PLA2G4A: variants seen among roughly 807,000 people sequenced by gnomAD.
PLA2G4A encodes the protein phospholipase A2 group IVA.
PLA2G4A carries 40 observed loss-of-function variants against 81.9 expected under a neutral mutation model. That is an observed-to-expected ratio of 0.49 (90% CI 0.38 to 0.64). The LOEUF (loss-of-function observed/expected upper bound fraction) is 0.64. PLA2G4A is among the 30% of genes least tolerant of loss of function. The pLI is 0.00. For missense variants in PLA2G4A, 715 were observed against 905.1 expected (o/e 0.79, Z 2.69); for synonymous variants, 302 against 296.9 (o/e 1.02, Z -0.18).
intron 17 of PLA2G4A, among the ~76,000 whole-genome samples, 161 bp downstream of exon 17, chr1:186,979,633 A>G (rs1026850122): frequency 6.6e-6 from 1 of 152,230 alleles, no homozygotes; most frequent in Non-Finnish European, 1.5e-5. Context: ...TAATCTTCAG[A>G]AGAACCCTAC....
intron 1 of PLA2G4A, among the ~76,000 whole-genome samples, chr1:186,845,116 C>T (rs908572708): frequency 1.3e-5 from 2 of 151,800 alleles, no homozygotes; most frequent in African/African-American, 2.4e-5. Context: ...AGGCTGAGGC[C>T]CCAGAATTGC....
At position 186,932,830 on chromosome 1, in the gene PLA2G4A, T is replaced by C. The variant is rs202061195; in HGVS notation, c.626T>C (p.Met209Thr). ...GCCATGGTGGGATTCTCTGGTGTGA[T>C]GAAGGCATTATACGAATCAGGAATT... ...FRAMVGFSGV[M>T]KALYESGILD... The change falls in exon 8 of 18, where the codon ATG becomes ACG. Residue 209 changes from methionine (M) to threonine (T), a missense_variant. Coordinates refer to ENST00000367466, the MANE Select transcript of PLA2G4A (RefSeq NM_024420.3). 12 of 1,613,298 alleles carry C rather than the reference T, an allele frequency of 7.4e-6. 1 individual carries two copies. The Middle Eastern group carries it at 8.3e-4, about 111-fold the overall frequency.
At chr1:186,918,466 C>T (rs549761072) in intron 7 of PLA2G4A, among the ~76,000 whole-genome samples, 87 of 152,256 alleles carry the variant, frequency 5.7e-4, no homozygotes, top group African/African-American at 1.8e-3. Context: ...TTCTACAGCC[C>T]GAGTTAAAGC....
At chr1:186,982,231 G>C (rs1657745887) in intron 17 of PLA2G4A, among the ~76,000 whole-genome samples, 1 of 152,204 alleles carries the variant, frequency 6.6e-6, no homozygotes, top group South Asian at 2.1e-4. Context: ...GAATTAAGCA[G>C]TTTTTAATTG....
intron 6 of PLA2G4A, among the ~76,000 whole-genome samples, chr1:186,908,310 A>G (rs1571389234): frequency 6.6e-6 from 1 of 152,160 alleles, no homozygotes; most frequent in Non-Finnish European, 1.5e-5. Context: ...AGGTCATTAT[A>G]CTGTTCAAAA....
chr1:186,887,686 CA>C (rs1653984078), intron 3 of PLA2G4A, among the ~76,000 whole-genome samples: 1 of 152,112 alleles, frequency 6.6e-6, no homozygotes, highest in Non-Finnish European at 1.5e-5. Flanking sequence ...TTGACAAAGC[CA>C]TGAAATAAGT....
At chr1:186,900,211 A>G (rs1186522192) in intron 5 of PLA2G4A, among the ~76,000 whole-genome samples, 2 of 152,054 alleles carry the variant, frequency 1.3e-5, no homozygotes, top group Non-Finnish European at 2.9e-5. Flanking sequence ...CTACTTATTA[A>G]CCATGTGATG....
chr1:186,985,253 A>G (rs748220645), intron 17 of PLA2G4A, among the ~76,000 whole-genome samples: 1 of 152,136 alleles, frequency 6.6e-6, no homozygotes, highest in Non-Finnish European at 1.5e-5. Context: ...TGTTCCTCTG[A>G]ACTGAATGCT....
Position 186,893,110 on chromosome 1 carries a change from A to G in PLA2G4A, c.215A>G (p.Asn72Ser). The change falls in exon 4 of 18, where the codon AAT becomes AGT. Residue 72 changes from asparagine (N) to serine (S), a missense_variant. Asn to Ser is a conservative substitution (Grantham distance 46). Transcript: ENST00000367466. The stretch of plus-strand genomic sequence containing the variant: ...AATAATGACATAAACCCTGTGTGGA[A>G]TGAGACCTTTGAATTTATTTTGGAT... ...HFNNDINPVW[N>S]ETFEFILDPN... 6.2e-7 allele frequency: 1 copy of G among 1,611,984 alleles called. No individual in the cohort carries two copies. Among genetic ancestry groups the G allele is most frequent in the Non-Finnish European group, 8.5e-7 (1 of 1,178,084 alleles).
At chr1:186,964,859 A>T (rs942078677) in intron 14 of PLA2G4A, among the ~76,000 whole-genome samples, 11 of 152,078 alleles carry the variant, frequency 7.2e-5, no homozygotes, top group Admixed American at 5.2e-4. Flanking sequence ...TGGCTGGATG[A>T]TTTCCTTGAA....
chr1:186,966,439 A>G (rs1420019334), intron 15 of PLA2G4A, among the ~76,000 whole-genome samples: 1 of 152,140 alleles, frequency 6.6e-6, no homozygotes, highest in Non-Finnish European at 1.5e-5. Context: ...ATGGCAGCAG[A>G]TGAAGATTTA....
intron 15 of PLA2G4A, among the ~76,000 whole-genome samples, chr1:186,972,754 A>C (rs895811739): frequency 1.3e-5 from 2 of 152,176 alleles, no homozygotes; most frequent in African/African-American, 2.4e-5. Context: ...GGAAGAAAGA[A>C]GAAAGGAAAA....
rs1286553083 is a variant in PLA2G4A, at chr1:186,841,913, G to T, written c.-69-12373G>T. Among the ~76,000 whole-genome samples the T allele has an allele frequency of 2.8e-5, 4 of 144,532 alleles. No homozygotes were observed. In the Admixed American group the frequency reaches 2.9e-4, roughly 10 times the overall value. The allele number at this position is 144,532 out of a possible 152,430, so 94.8% of individuals were successfully genotyped here. A position where few individuals can be genotyped will look rare whatever the true frequency, so the allele number is the denominator to read the frequency against. On this transcript the variant is annotated intron_variant, in intron 1 of 17. Transcript: ENST00000367466. ...TGTGCTTCGTTTATGTAGAATGTGTGTATGTATATGTTGGTGAGGGGTTGC... is the reference window on the plus strand; with the variant it reads ...TGTGCTTCGTTTATGTAGAATGTGTTTATGTATATGTTGGTGAGGGGTTGC...
chr1:186,886,600 C>G (rs1004600414), intron 3 of PLA2G4A, among the ~76,000 whole-genome samples: 3 of 152,166 alleles, frequency 2.0e-5, no homozygotes, highest in African/African-American at 7.2e-5. Flanking sequence ...TACTTCTTCT[C>G]GTTTAGTCAT....
At chr1:186,888,017 T>A (rs1281303730) in intron 3 of PLA2G4A, among the ~76,000 whole-genome samples, 2 of 152,208 alleles carry the variant, frequency 1.3e-5, no homozygotes, top group South Asian at 4.1e-4. Flanking sequence ...TTTTGGTAGT[T>A]TTCCACTGTC....
At chr1:186,940,913 A>C (rs1195185457) in intron 10 of PLA2G4A, among the ~76,000 whole-genome samples, 1 of 152,142 alleles carries the variant, frequency 6.6e-6, no homozygotes, top group East Asian at 1.9e-4. Context: ...TGATGAACCA[A>C]TGCCTCATTT....
At chr1:186,901,604 G>A (rs1654543213) in intron 5 of PLA2G4A, among the ~76,000 whole-genome samples, 1 of 152,180 alleles carries the variant, frequency 6.6e-6, no homozygotes, top group Non-Finnish European at 1.5e-5. Context: ...AGAAGTAATA[G>A]AGTGGTTTGG....
chr1:186,863,716 A>G (rs1223974105), intron 2 of PLA2G4A, among the ~76,000 whole-genome samples: 1 of 151,722 alleles, frequency 6.6e-6, no homozygotes, highest in Non-Finnish European at 1.5e-5. Flanking sequence ...TAGATTCCAC[A>G]TATGGGTAGA....
chr1:186,845,743 T>C (rs1652148130), intron 1 of PLA2G4A, among the ~76,000 whole-genome samples: 1 of 152,196 alleles, frequency 6.6e-6, no homozygotes, highest in African/African-American at 2.4e-5. Flanking sequence ...CTGTTCACTT[T>C]TCCTGAGAAG....
Sources: allele counts gnomAD v4.1 joint callset (sites outside exome capture counted in the v4.1 genomes callset), GRCh38; gene constraint gnomAD v4.1.1; transcripts MANE v1.5; gene names NCBI Gene and HGNC (gene_info 2026-07-23, HGNC 2026-07-21).